Variants in ERBB4 observed in about 807,000 individuals in gnomAD.
ERBB4 encodes the protein receptor tyrosine-protein kinase erbB-4.
A neutral mutation model predicts 158.0 loss-of-function variants in ERBB4; 42 were observed. That is an observed-to-expected ratio of 0.27 (90% CI 0.21 to 0.34). The LOEUF is 0.34. Among genes scored for constraint, ERBB4 ranks in the 10% least tolerant of loss-of-function variants. The pLI, the probability that ERBB4 is intolerant of heterozygous loss-of-function variation, is 1.00. For synonymous variants in ERBB4, 583 were observed against 558.7 expected, an observed-to-expected ratio of 1.04 and a Z score of -0.61; for missense variants, 1,333 against 1,624.1, an observed-to-expected ratio of 0.82 and a Z score of 3.08.
intron 2 of ERBB4, among the ~76,000 whole-genome samples, chr2:212,033,069 C>T (rs1286885859): frequency 6.6e-6 from 1 of 151,676 alleles, no homozygotes. Flanking sequence ...ATTTGGTGGC[C>T]CTATTAACAC....
chr2:211,416,390 G>A (rs185747253), intron 25 of ERBB4, among the ~76,000 whole-genome samples: 1 of 152,228 alleles, frequency 6.6e-6, no homozygotes, highest in African/African-American at 2.4e-5. Context: ...GAAAATATTA[G>A]GCAGCATGTG....
chr2:212,464,892 T>TCA (rs148243973), intron 1 of ERBB4, among the ~76,000 whole-genome samples: 13,125 of 146,006 alleles, frequency 0.09, 1,115 homozygotes, highest in African/African-American at 0.23. Context: ...AAGGGAAACA[T>TCA]CACACACACA....
intron 3 of ERBB4, among the ~76,000 whole-genome samples, chr2:211,844,624 T>G (rs2077549261): frequency 6.6e-6 from 1 of 152,178 alleles, no homozygotes; most frequent in Admixed American, 6.6e-5. Context: ...ACTTGACAAT[T>G]CAAAATTCTT....
At chr2:212,529,984 C>A (rs1160573200) in intron 1 of ERBB4, among the ~76,000 whole-genome samples, 1 of 152,118 alleles carries the variant, frequency 6.6e-6, no homozygotes, top group Non-Finnish European at 1.5e-5. Flanking sequence ...TACATGTTAA[C>A]AGACTCTATG....
chr2:211,861,164 A>T (rs13384191), intron 3 of ERBB4, among the ~76,000 whole-genome samples: 3,800 of 38,170 alleles, frequency 0.1, 590 homozygotes, highest in Non-Finnish European at 0.12. Flanking sequence ...ATTAAAAAAA[A>T]GTAGTTTTTT....
chr2:211,418,587 G>A (rs2063444896), intron 25 of ERBB4, among the ~76,000 whole-genome samples: 1 of 152,016 alleles, frequency 6.6e-6, no homozygotes, highest in Admixed American at 6.5e-5. Context: ...TTCTTGCACT[G>A]AGAATTATAA....
intron 2 of ERBB4, among the ~76,000 whole-genome samples, chr2:211,980,327 T>G (rs2081752968): frequency 1.3e-5 from 2 of 152,186 alleles, no homozygotes; most frequent in African/African-American, 4.8e-5. Context: ...AAGCCCTGAC[T>G]TTCAGTGCAT....
At chr2:212,181,421 A>G (rs2081859441) in intron 1 of ERBB4, among the ~76,000 whole-genome samples, 1 of 151,686 alleles carries the variant, frequency 6.6e-6, no homozygotes, top group Non-Finnish European at 1.5e-5. Context: ...TAAATAACAT[A>G]CAGTATTATG....
chr2:211,694,364 T>A (rs2072930073), intron 12 of ERBB4, among the ~76,000 whole-genome samples: 1 of 152,188 alleles, frequency 6.6e-6, no homozygotes, highest in Non-Finnish European at 1.5e-5. Flanking sequence ...CCTGCAGTAA[T>A]CCTGGCTTTT....
At chr2:211,428,621 AAT>A (rs1482969030) in intron 21 of ERBB4, 138 bp from the exon 22 acceptor site, 1 of 474,760 alleles carries the variant, frequency 2.1e-6, no homozygotes, top group Non-Finnish European at 3.8e-6. Flanking sequence ...TATAACTATA[AAT>A]ATATGTTAAT....
intron 1 of ERBB4, among the ~76,000 whole-genome samples, chr2:212,217,267 C>T (rs10196231): frequency 0.042 from 6,414 of 151,312 alleles, 411 homozygotes; most frequent in African/African-American, 0.14. Context: ...TGGAACTGAT[C>T]AGAGCCAAAA....
At chr2:211,469,105 ACT>A (rs902556818) in intron 20 of ERBB4, among the ~76,000 whole-genome samples, 3 of 151,708 alleles carry the variant, frequency 2.0e-5, no homozygotes, top group Admixed American at 6.6e-5. Flanking sequence ...TGGAAGGGAA[ACT>A]CTGCTCGTAA....
intron 1 of ERBB4, among the ~76,000 whole-genome samples, chr2:212,459,702 T>A (rs1451120370): frequency 2.6e-5 from 4 of 152,260 alleles, no homozygotes; most frequent in South Asian, 2.1e-4. Flanking sequence ...AATACAAAGC[T>A]GCAGTATCCA....
chr2:211,483,684 T>C (rs1349244072), intron 20 of ERBB4, among the ~76,000 whole-genome samples: 1 of 152,148 alleles, frequency 6.6e-6, no homozygotes, highest in African/African-American at 2.4e-5. Flanking sequence ...CCTGAGTAGC[T>C]GAGATTACAG....
At chr2:211,398,430 T>C (rs1381634159) in intron 25 of ERBB4, among the ~76,000 whole-genome samples, 1 of 152,080 alleles carries the variant, frequency 6.6e-6, no homozygotes, top group Non-Finnish European at 1.5e-5. Context: ...CTTATGAAAA[T>C]CTTAATTATG....
intron 20 of ERBB4, among the ~76,000 whole-genome samples, chr2:211,519,056 T>C (rs540233007): frequency 6.6e-6 from 1 of 152,204 alleles, no homozygotes; most frequent in African/African-American, 2.4e-5. Flanking sequence ...CAAAGACCCC[T>C]GCATTTTCTC....
At chr2:211,901,596 G>A (rs1256232082) in intron 3 of ERBB4, among the ~76,000 whole-genome samples, 1 of 152,094 alleles carries the variant, frequency 6.6e-6, no homozygotes. Context: ...ACTTGCACAT[G>A]TTTATCCCAT....
intron 1 of ERBB4, among the ~76,000 whole-genome samples, chr2:212,294,967 A>T (rs1357342842): frequency 6.6e-6 from 1 of 152,052 alleles, no homozygotes; most frequent in Non-Finnish European, 1.5e-5. Flanking sequence ...TTACCTACTG[A>T]ACTGGGTCAT....
rs186194753 is a variant in ERBB4 at position 212,345,843 on chromosome 2, G to A, written c.82+192606C>T. On this transcript the variant is annotated intron_variant, in intron 1 of 27. Transcript: ENST00000342788. The stretch of plus-strand genomic sequence containing the variant: ...TTTCCCCAATCAATCTATGAATTTG[G>A]GTTCAAGATAAGTAATTGTCCAGTT... Among the ~76,000 whole-genome samples the A allele has an allele frequency of 6.7e-4, 102 of 151,934 alleles. 1 individual carries two copies. The highest frequency in any genetic ancestry group is 1.2e-3 in the Admixed American group (19 of 15,254).
Sources: allele counts gnomAD v4.1 joint callset (sites outside exome capture counted in the v4.1 genomes callset), GRCh38; gene constraint gnomAD v4.1.1; transcripts MANE v1.5; gene names NCBI Gene and HGNC (gene_info 2026-07-23, HGNC 2026-07-21).